The following LRP1B variants were observed in gnomAD, a reference collection of about 807,000 sequenced individuals.
The protein encoded by LRP1B is LDL receptor related protein 1B, also known as low-density lipoprotein receptor-related protein 1B.
LRP1B carries 217 observed loss-of-function variants against 556.6 expected under a neutral mutation model. The observed-to-expected ratio is 0.39, with a 90% confidence interval of 0.35 to 0.44. The LOEUF (loss-of-function observed/expected upper bound fraction) is 0.44. Ranked by LOEUF, LRP1B falls within the 20% of genes least tolerant of loss-of-function variation. LRP1B has a pLI of 1.00. For missense variants in LRP1B, 5,053 were observed against 5,620.8 expected (o/e 0.90, Z 3.23); for synonymous variants, 2,047 against 1,865.8 (o/e 1.10, Z -2.50).
intron 17 of LRP1B, among the ~76,000 whole-genome samples, chr2:140,987,116 A>C (rs1304137421): frequency 1.3e-5 from 2 of 152,168 alleles, no homozygotes; most frequent in Non-Finnish European, 2.9e-5. Flanking sequence ...AGTGAAATGG[A>C]GGTACTTTGT....
chr2:141,092,432 C>G (rs990427800), intron 7 of LRP1B, among the ~76,000 whole-genome samples: 2 of 152,050 alleles, frequency 1.3e-5, no homozygotes, highest in Non-Finnish European at 1.5e-5. Flanking sequence ...GTTAAATATC[C>G]AAATAGAAAT....
intron 47 of LRP1B, 129 bp from the exon 48 acceptor site, chr2:140,526,479 C>A (rs918252996): frequency 3.3e-6 from 2 of 612,184 alleles, no homozygotes; most frequent in Admixed American, 2.5e-5. Flanking sequence ...GGAAGCCAAA[C>A]TTGACCCCTG....
chr2:140,973,711 C>G (rs1355065147), intron 18 of LRP1B, among the ~76,000 whole-genome samples: 1 of 151,932 alleles, frequency 6.6e-6, no homozygotes, highest in East Asian at 1.9e-4. Context: ...GTAAAAAATA[C>G]CAAATTTCTA....
At chr2:140,511,766 T>C (rs1574023088) in intron 51 of LRP1B, among the ~76,000 whole-genome samples, 2 of 152,202 alleles carry the variant, frequency 1.3e-5, no homozygotes, top group South Asian at 4.1e-4. Flanking sequence ...TATGTAGTAC[T>C]GGAAGAAGTT....
At chr2:140,633,041 T>A (rs1683945141) in intron 41 of LRP1B, among the ~76,000 whole-genome samples, 1 of 146,076 alleles carries the variant, frequency 6.8e-6, no homozygotes, top group Non-Finnish European at 1.5e-5. Flanking sequence ...CCAGCCTGGG[T>A]GACAGAATGA....
At chr2:141,907,011 G>A (rs540929044) in intron 1 of LRP1B, among the ~76,000 whole-genome samples, 1 of 151,968 alleles carries the variant, frequency 6.6e-6, no homozygotes, top group African/African-American at 2.4e-5. Flanking sequence ...AAAACAGATT[G>A]TATTTATAGA....
intron 2 of LRP1B, among the ~76,000 whole-genome samples, chr2:141,494,559 C>T (rs1683448634): frequency 6.6e-6 from 1 of 151,618 alleles, no homozygotes; most frequent in South Asian, 2.1e-4. Context: ...GTTTTTGCCA[C>T]TGAAACTAAT....
chr2:140,444,501 A>G, intron 64 of LRP1B, 52 bp from the exon 65 acceptor site: 1 of 1,613,200 alleles, frequency 6.2e-7, no homozygotes, highest in Non-Finnish European at 8.5e-7. Context: ...AATTAAAATC[A>G]CACAGACATA....
At chr2:141,641,546 T>G (rs777328103) in intron 2 of LRP1B, among the ~76,000 whole-genome samples, 10 of 152,164 alleles carry the variant, frequency 6.6e-5, no homozygotes, top group Admixed American at 2.0e-4. Context: ...TCCAAAACAT[T>G]TTAAAATATA....
chr2:140,623,919 A>C (rs1187530311), intron 41 of LRP1B, among the ~76,000 whole-genome samples: 1 of 124,108 alleles, frequency 8.1e-6, no homozygotes, highest in Non-Finnish European at 1.7e-5. Flanking sequence ...ACTTCGTCTC[A>C]ATATATTTTA....
chr2:140,380,186 A>C (rs1035356393), intron 67 of LRP1B, among the ~76,000 whole-genome samples: 1 of 152,140 alleles, frequency 6.6e-6, no homozygotes, highest in African/African-American at 2.4e-5. Context: ...AACGTACTTC[A>C]AATCACAGAG....
At chr2:141,345,864 T>C (rs1007526922) in intron 3 of LRP1B, among the ~76,000 whole-genome samples, 1 of 151,822 alleles carries the variant, frequency 6.6e-6, no homozygotes, top group African/African-American at 2.4e-5. Flanking sequence ...CCTCCTAGGT[T>C]AACCTCTAAT....
chr2:140,797,814 C>T (rs752299418), intron 32 of LRP1B, among the ~76,000 whole-genome samples: 6 of 152,012 alleles, frequency 3.9e-5, no homozygotes, highest in Non-Finnish European at 5.9e-5. Context: ...AAAAAATAAG[C>T]CTCTCCTTCT....
chr2:141,577,515 G>A (rs1472188434), intron 2 of LRP1B, among the ~76,000 whole-genome samples: 3 of 152,130 alleles, frequency 2.0e-5, no homozygotes, highest in Non-Finnish European at 2.9e-5. Context: ...ATTGAGCTGC[G>A]CTGGGGAGTA....
At chr2:140,481,266 T>A (rs1394467875) in intron 59 of LRP1B, among the ~76,000 whole-genome samples, 1 of 152,182 alleles carries the variant, frequency 6.6e-6, no homozygotes, top group East Asian at 1.9e-4. Context: ...CTTTTTCAGA[T>A]GGTTTTTGCA....
chr2:140,828,789 C>CAAA (rs57621380), intron 31 of LRP1B, among the ~76,000 whole-genome samples: 4 of 7,964 alleles, frequency 5.0e-4, no homozygotes, highest in African/African-American at 8.9e-4. Context: ...GACTCCGTCT[C>CAAA]AAAAAAAAAA....
At chr2:141,655,933 T>C (rs1689990867) in intron 2 of LRP1B, among the ~76,000 whole-genome samples, 1 of 152,152 alleles carries the variant, frequency 6.6e-6, no homozygotes, top group Admixed American at 6.6e-5. Context: ...AAAACATTTT[T>C]TGATGAAACA....
intron 2 of LRP1B, among the ~76,000 whole-genome samples, chr2:141,773,693 A>T (rs1694969981): frequency 2.0e-5 from 3 of 152,226 alleles, no homozygotes. Context: ...AGAGTGTTTA[A>T]TTGGAAGACT....
At chr2:140,302,984 T>G (rs1214568589) in intron 83 of LRP1B, among the ~76,000 whole-genome samples, 1 of 143,334 alleles carries the variant, frequency 7.0e-6, no homozygotes, top group East Asian at 2.1e-4. Flanking sequence ...CATAAGCACA[T>G]GTACCAATTC....
Sources: gnomAD v4.1 joint callset for allele counts (sites outside exome capture counted in the v4.1 genomes callset) on GRCh38, gnomAD v4.1.1 for gene constraint, MANE v1.5 for transcripts, NCBI Gene and HGNC (gene_info 2026-07-23, HGNC 2026-07-21) for gene names.